Variants in BTBD7 observed in about 807,000 individuals in gnomAD.
BTBD7 encodes BTB/POZ domain-containing protein 7.
A neutral mutation model predicts 99.9 loss-of-function variants in BTBD7; 38 were observed. The observed-to-expected ratio is 0.38, with a 90% confidence interval of 0.29 to 0.50. The LOEUF (loss-of-function observed/expected upper bound fraction) is 0.50. Ranked by LOEUF, BTBD7 falls within the 20% of genes least tolerant of loss-of-function variation. The probability of loss-of-function intolerance (pLI) is 0.93; values close to 1 mark genes in which losing one functional copy is unlikely to be tolerated. For synonymous variants in BTBD7, 520 were observed against 511.4 expected, an observed-to-expected ratio of 1.02 and a Z score of -0.23; for missense variants, 1,170 against 1,394.6, an observed-to-expected ratio of 0.84 and a Z score of 2.57.
At position 93,246,120 on chromosome 14, in the gene BTBD7, G is replaced by A. The variant is rs761498218; in HGVS notation, c.2288C>T (p.Pro763Leu). Residue 763 changes from proline (P) to leucine (L), a missense_variant, in exon 10 of 11, where the codon CCT (proline) becomes CTT (leucine). Physicochemically the swap from Pro to Leu is moderately conservative, Grantham distance 98 (BLOSUM62 -3). Coordinates refer to ENST00000334746, the MANE Select transcript of BTBD7 (RefSeq NM_001002860.4). ...AFHPPLPPPP[P>L]PYHPPATPIH... is the part of the protein sequence containing the mutation. ...TGGGGTAGCTGGGGGGTGGTAGGGA[G>A]GTGGTGGAGGGGGCAAGGGTGGATG... 2 of 1,423,854 alleles carry A rather than the reference G, an allele frequency of 1.4e-6. No homozygotes were observed. 88.2% of individuals were successfully genotyped at this position (1,423,854 alleles called of 1,614,324 possible).
chr14:93,257,147 C>A, intron 6 of BTBD7, 48 bp downstream of exon 6: 3 of 1,565,896 alleles, frequency 1.9e-6, no homozygotes, highest in Non-Finnish European at 2.6e-6. Flanking sequence ...AAACATACAC[C>A]TGGCATTTTT....
chr14:93,252,196 G>A (rs559117892), intron 7 of BTBD7, among the ~76,000 whole-genome samples: 44 of 151,820 alleles, frequency 2.9e-4, no homozygotes, highest in Admixed American at 6.6e-4. Flanking sequence ...TATCATCCCA[G>A]CTACTCAGGA....
intron 3 of BTBD7, among the ~76,000 whole-genome samples, chr14:93,270,901 C>G (rs2052594624): frequency 6.6e-6 from 1 of 152,182 alleles, no homozygotes; most frequent in Non-Finnish European, 1.5e-5. Context: ...ACAGATCCAT[C>G]TCCTACTTAT....
intron 1 of BTBD7, among the ~76,000 whole-genome samples, chr14:93,324,651 G>C (rs754031662): frequency 6.6e-5 from 10 of 152,120 alleles, no homozygotes; most frequent in Non-Finnish European, 1.2e-4. Flanking sequence ...GGTAGCAATA[G>C]GGGCCTTGTG....
At chr14:93,253,144 A>G (rs2052387644) in intron 7 of BTBD7, among the ~76,000 whole-genome samples, 1 of 152,250 alleles carries the variant, frequency 6.6e-6, no homozygotes, top group African/African-American at 2.4e-5. Flanking sequence ...TACAATATAC[A>G]TAATGCGAAC....
intron 3 of BTBD7, among the ~76,000 whole-genome samples, chr14:93,285,479 AAAC>A (rs1206388398): frequency 1.3e-5 from 2 of 152,228 alleles, no homozygotes; most frequent in Non-Finnish European, 2.9e-5. Context: ...CAAGATGAAA[AAAC>A]AAAATCTGCA....
At chr14:93,330,705 C>A (rs546212929) in intron 1 of BTBD7, among the ~76,000 whole-genome samples, 3 of 152,324 alleles carry the variant, frequency 2.0e-5, no homozygotes, top group African/African-American at 7.2e-5. Flanking sequence ...AGCAGACCTT[C>A]AACAGTCACC....
intron 1 of BTBD7, among the ~76,000 whole-genome samples, chr14:93,321,799 C>T (rs1363354991): frequency 3.9e-5 from 6 of 151,980 alleles, no homozygotes; most frequent in African/African-American, 9.7e-5. Context: ...GATAATACAA[C>T]TGTTTATCTT....
intron 3 of BTBD7, 93 bp downstream of exon 3, chr14:93,293,765 A>G (rs554760870): frequency 6.8e-7 from 1 of 1,471,618 alleles, no homozygotes; most frequent in Admixed American, 2.4e-5. Flanking sequence ...AACATCCCAA[A>G]CACTGAAATC....
chr14:93,251,483 A>G lies in BTBD7; in HGVS notation c.1922T>C (p.Val641Ala). 1.2e-6 allele frequency: 2 copies of G among 1,601,344 alleles called. No individual in the cohort carries two copies. Among genetic ancestry groups the G allele is most frequent in the Non-Finnish European group, 1.7e-6 (2 of 1,170,982 alleles). The change falls in exon 8 of 11, where the codon GTT becomes GCT. Residue 641 changes from valine (V) to alanine (A), a missense_variant. Transcript: ENST00000334746. ...ISSNQSSPPS[V>A]VANEIPVPRL... ...CTTACCTGGAATTTCGTTGGCTACA[A>G]CTGAAGGAGGGCTTGACTGGTTGCT...
At chr14:93,301,891 C>A (rs1326091652) in intron 1 of BTBD7, among the ~76,000 whole-genome samples, 1 of 152,156 alleles carries the variant, frequency 6.6e-6, no homozygotes, top group African/African-American at 2.4e-5. Context: ...TCCTACTGTG[C>A]TAGAGCGCAA....
chr14:93,263,690 C>A (rs554006470), intron 4 of BTBD7, 95 bp downstream of exon 4: 1 of 1,216,160 alleles, frequency 8.2e-7, no homozygotes, highest in Non-Finnish European at 1.2e-6. Flanking sequence ...GTTTCTCTTC[C>A]CCTGCCCTAC....
chr14:93,287,314 A>ACCCCCCCCCCCCCCCC (rs1183616481), intron 3 of BTBD7, among the ~76,000 whole-genome samples: 3 of 115,434 alleles, frequency 2.6e-5, no homozygotes, highest in Non-Finnish European at 5.4e-5. Context: ...CTAACCCTAA[A>ACCCCCCCCCCCCCCCC]CCCCCCCGCC....
intron 8 of BTBD7, among the ~76,000 whole-genome samples, chr14:93,249,038 G>A (rs1232420307): frequency 6.6e-6 from 1 of 151,916 alleles, no homozygotes; most frequent in Non-Finnish European, 1.5e-5. Context: ...GGATATTAGG[G>A]TGCACAGAAT....
chr14:93,243,200 G>A (rs911071278), intron 10 of BTBD7, 112 bp from the exon 11 acceptor site: 3 of 658,946 alleles, frequency 4.6e-6, no homozygotes, highest in Admixed American at 8.5e-5. Flanking sequence ...TTCTGTTTTT[G>A]TTTTTTTTTT....
intron 1 of BTBD7, among the ~76,000 whole-genome samples, chr14:93,312,630 G>A (rs971844351): frequency 1.3e-5 from 2 of 152,094 alleles, no homozygotes; most frequent in Non-Finnish European, 2.9e-5. Flanking sequence ...CCTGTCTCTT[G>A]GAACACAAGC....
At chr14:93,318,111 C>A (rs1274341085) in intron 1 of BTBD7, among the ~76,000 whole-genome samples, 1 of 152,190 alleles carries the variant, frequency 6.6e-6, no homozygotes, top group Non-Finnish European at 1.5e-5. Context: ...TTCCTCCTCA[C>A]CAAACCTGGG....
chr14:93,276,077 A>C (rs1401340897), intron 3 of BTBD7, among the ~76,000 whole-genome samples: 1 of 152,134 alleles, frequency 6.6e-6, no homozygotes, highest in Non-Finnish European at 1.5e-5. Flanking sequence ...TTAGCCAGGC[A>C]TGGTGGCATA....
Position 93,242,587 on chromosome 14 carries a change from C to T in BTBD7, c.3085G>A (p.Val1029Ile). The T allele has an allele frequency of 6.2e-7, 1 of 1,614,228 alleles. No individual in the cohort carries two copies. The highest frequency in any genetic ancestry group is 8.5e-7 in the Non-Finnish European group (1 of 1,180,054). ...GACCGCTGGGGAGGTTGCTCAACGACATCCAGGTGTATCGGCTCATTCTTT... is the reference window on the plus strand; with the variant it reads ...GACCGCTGGGGAGGTTGCTCAACGATATCCAGGTGTATCGGCTCATTCTTT... The part of the protein sequence containing the change: ...RQKNEPIHLD[V>I]VEQPPQRSDF... Residue 1029 changes from valine (V) to isoleucine (I), a missense_variant, in exon 11 of 11, where the codon GTC becomes ATC. Around this residue, in one of 4 missense-constraint regions of BTBD7, gnomAD observed 495 missense variants for 525.9 expected, o/e 0.94. Coordinates refer to ENST00000334746, the MANE Select transcript of BTBD7 (RefSeq NM_001002860.4).
Sources: gnomAD v4.1 joint callset for allele counts (sites outside exome capture counted in the v4.1 genomes callset) on GRCh38, gnomAD v4.1.1 for gene constraint, gnomAD v4.1.1 regional missense constraint, MANE v1.5 for transcripts, NCBI Gene and HGNC (gene_info 2026-07-23, HGNC 2026-07-21) for gene names.